SGMS1: variants seen among roughly 807,000 people sequenced by gnomAD.
SGMS1 encodes phosphatidylcholine:ceramide cholinephosphotransferase 1.
In SGMS1, 13 loss-of-function variants were observed where a neutral mutation model predicts 46.2. The observed-to-expected ratio is 0.28, with a 90% CI of 0.18 to 0.45. SGMS1 has a LOEUF of 0.45. Among genes scored for constraint, SGMS1 ranks in the 20% least tolerant of loss-of-function variants. The pLI is 1.00. For missense variants in SGMS1, 324 were observed against 519.9 expected (o/e 0.62, Z 3.66); for synonymous variants, 203 against 187.8 (o/e 1.08, Z -0.66).
At chr10:50,364,116 T>C (rs762529839) in intron 6 of SGMS1, among the ~76,000 whole-genome samples, 60 of 151,626 alleles carry the variant, frequency 4.0e-4, no homozygotes, top group Middle Eastern at 3.4e-3. Flanking sequence ...AAATTTCAGA[T>C]GTGAAACAAA....
At chr10:50,429,915 A>G (rs1849384443) in intron 6 of SGMS1, among the ~76,000 whole-genome samples, 1 of 152,178 alleles carries the variant, frequency 6.6e-6, no homozygotes, top group African/African-American at 2.4e-5. Flanking sequence ...TTTAAAGTAT[A>G]ACATAGATTC....
intron 6 of SGMS1, among the ~76,000 whole-genome samples, chr10:50,407,246 C>T (rs1451060045): frequency 6.6e-6 from 1 of 152,080 alleles, no homozygotes; most frequent in Non-Finnish European, 1.5e-5. Flanking sequence ...ATAGAATGTG[C>T]CGATAAAAAT....
chr10:50,326,265 A>G (rs989494708), intron 8 of SGMS1, among the ~76,000 whole-genome samples: 4 of 152,218 alleles, frequency 2.6e-5, no homozygotes, highest in Non-Finnish European at 5.9e-5. Context: ...CACAGGAGAC[A>G]TACAAATTAA....
At position 50,322,561 on chromosome 10, in the gene SGMS1, G is replaced by A. The variant is rs1298385238; in HGVS notation, c.741+4644C>T. ...AAAGATGAGAAGAGGGGCCGGGCGC[G>A]GTGGCTCACGCCTGTAATCCCAGCA... On this transcript the variant is annotated intron_variant, in intron 8 of 10. Coordinates refer to ENST00000361781, the MANE Select transcript of SGMS1 (RefSeq NM_147156.4). 4.6e-5 allele frequency among the ~76,000 whole-genome samples: 7 copies of A among 152,202 alleles called. No individual in the cohort carries two copies. The East Asian group carries it at 1.4e-3, about 29-fold the overall frequency.
intron 3 of SGMS1, among the ~76,000 whole-genome samples, chr10:50,486,237 T>C (rs1837520220): frequency 1.3e-5 from 2 of 152,058 alleles, no homozygotes; most frequent in Admixed American, 1.3e-4. Flanking sequence ...GCAACACCAT[T>C]CAGGACATAG....
chr10:50,529,937 T>G (rs1413298865), intron 2 of SGMS1, among the ~76,000 whole-genome samples: 1 of 151,798 alleles, frequency 6.6e-6, no homozygotes, highest in Admixed American at 6.6e-5. Flanking sequence ...AAAAGAGGAG[T>G]TTTCTTTCCT....
chr10:50,507,056 C>T (rs2133766498), intron 3 of SGMS1, among the ~76,000 whole-genome samples: 1 of 152,312 alleles, frequency 6.6e-6, no homozygotes, highest in East Asian at 1.9e-4. Context: ...CAAACTCCCC[C>T]AGGCTTATAG....
At chr10:50,589,154 C>A (rs967324032) in intron 2 of SGMS1, among the ~76,000 whole-genome samples, 1 of 152,132 alleles carries the variant, frequency 6.6e-6, no homozygotes, top group African/African-American at 2.4e-5. Flanking sequence ...ACAGTAATTT[C>A]TCTCTTGGGG....
At chr10:50,407,865 T>TC (rs1849038922) in intron 6 of SGMS1, among the ~76,000 whole-genome samples, 1 of 151,986 alleles carries the variant, frequency 6.6e-6, no homozygotes, top group Admixed American at 6.5e-5. Flanking sequence ...TGAAAATGGA[T>TC]CCAGCGCCTT....
intron 6 of SGMS1, among the ~76,000 whole-genome samples, chr10:50,401,128 T>C (rs1848934613): frequency 6.6e-6 from 1 of 152,206 alleles, no homozygotes; most frequent in South Asian, 2.1e-4. Flanking sequence ...GGAAAAATCA[T>C]TAATTGTCAC....
chr10:50,548,304 C>G (rs1325453723), intron 2 of SGMS1, among the ~76,000 whole-genome samples: 2 of 152,192 alleles, frequency 1.3e-5, no homozygotes, highest in Admixed American at 6.5e-5. Context: ...TACCCAACTT[C>G]AAACTATACT....
In SGMS1 at chr10:50,365,255, C is replaced by CAAAAAAAAAAAAAA. The variant is rs67951872; in HGVS notation, c.-231-20924_-231-20911dup. ...GCGACGGAGTGAGACTCCATCTCACCAAAAAAAAAAAAAAAAAAAAAAAGC... is the reference window on the plus strand; with the variant it reads ...GCGACGGAGTGAGACTCCATCTCACCAAAAAAAAAAAAAAAAAAAAAAAAAAAAAAAAAAAAAGC... On this transcript the variant is annotated intron_variant, in intron 6 of 10. Transcript: ENST00000361781. 1.0e-3 allele frequency among the ~76,000 whole-genome samples: 46 copies of CAAAAAAAAAAAAAA among 45,030 alleles called. 1 individual carries two copies. The highest frequency in any genetic ancestry group is 0.021 in the Middle Eastern group (1 of 48). The allele number at this position is 45,030 out of a possible 152,430, so 29.5% of individuals were successfully genotyped here. A position where few individuals can be genotyped will look rare whatever the true frequency, so the allele number is the denominator to read the frequency against.
chr10:50,442,710 G>A (rs1341549228), intron 5 of SGMS1, among the ~76,000 whole-genome samples: 1 of 152,170 alleles, frequency 6.6e-6, no homozygotes, highest in Non-Finnish European at 1.5e-5. Flanking sequence ...ACCCAGTAAT[G>A]AGATGGCTGG....
At chr10:50,562,505 G>A (rs143463614) in intron 2 of SGMS1, among the ~76,000 whole-genome samples, 119 of 152,308 alleles carry the variant, frequency 7.8e-4, no homozygotes, top group East Asian at 3.7e-3. Context: ...TGCTGTAAGA[G>A]GAAAGTTACA....
chr10:50,327,368 G>T, intron 7 of SGMS1, 46 bp from the exon 8 acceptor site: 1 of 1,120,346 alleles, frequency 8.9e-7, no homozygotes, highest in Non-Finnish European at 1.3e-6. Context: ...AAGAAATTCT[G>T]TAGGTTCATT....
chr10:50,515,094 T>C (rs904789065), intron 3 of SGMS1, among the ~76,000 whole-genome samples: 1 of 152,222 alleles, frequency 6.6e-6, no homozygotes, highest in South Asian at 2.1e-4. Context: ...GACTAACTCA[T>C]TATCTTTTGT....
intron 5 of SGMS1, among the ~76,000 whole-genome samples, chr10:50,457,091 C>T (rs899048565): frequency 6.6e-6 from 1 of 152,118 alleles, no homozygotes; most frequent in Non-Finnish European, 1.5e-5. Flanking sequence ...ATTAGGTTCA[C>T]TAATAGAATG....
At position 50,336,506 on chromosome 10, in the gene SGMS1, T is replaced by C. The variant is rs143125908; in HGVS notation, c.623+6986A>G. Among the ~76,000 whole-genome samples the C allele has an allele frequency of 1.6e-3, 243 of 152,218 alleles. 1 individual carries two copies. Among genetic ancestry groups the C allele is most frequent in the African/African-American group, 5.3e-3 (220 of 41,530 alleles). ...TACAGTCTATGGGGAACTGCAAAAA[T>C]GGACGGCTATCAAAGTTGGCAGATC... On this transcript the variant is annotated intron_variant, in intron 7 of 10. Transcript: ENST00000361781.
intron 2 of SGMS1, among the ~76,000 whole-genome samples, chr10:50,537,118 G>A (rs1838008623): frequency 6.6e-6 from 1 of 152,176 alleles, no homozygotes; most frequent in Non-Finnish European, 1.5e-5. Flanking sequence ...TTCCCAGTCT[G>A]CATCTCTAAC....
Sources: gnomAD v4.1 joint callset for allele counts (sites outside exome capture counted in the v4.1 genomes callset) on GRCh38, gnomAD v4.1.1 for gene constraint, MANE v1.5 for transcripts, NCBI Gene and HGNC (gene_info 2026-07-23, HGNC 2026-07-21) for gene names.